The following SLC13A3 variants were observed in gnomAD, a reference collection of about 807,000 sequenced individuals.
SLC13A3 encodes Na(+)/dicarboxylate cotransporter 3.
A neutral mutation model predicts 59.0 loss-of-function variants in SLC13A3; 40 were observed. The observed-to-expected ratio is 0.68, with a 90% CI of 0.53 to 0.88. The LOEUF (loss-of-function observed/expected upper bound fraction) is 0.88. SLC13A3 is among the 40% of genes least tolerant of loss of function. SLC13A3 has a pLI of 0.00. For synonymous variants in SLC13A3, 317 were observed against 330.3 expected (o/e 0.96, Z 0.44); for missense variants, 699 against 783.2 (o/e 0.89, Z 1.28).
Position 46,613,463 on chromosome 20 carries a change from G to T in SLC13A3, c.374C>A (p.Ala125Asp). The T allele has an allele frequency of 1.3e-6, 2 of 1,585,320 alleles. No homozygotes were observed. The highest frequency in any genetic ancestry group is 1.7e-4 in the Middle Eastern group (1 of 5,912). The change falls in exon 2 of 13, where the codon GCC becomes GAC. Residue 125 changes from alanine to aspartate, a missense_variant. Physicochemically the swap from Ala to Asp is moderately radical, Grantham distance 126. Transcript: ENST00000279027. The part of the protein sequence containing the change: ...KILMLVGVQP[A>D]RLILGMMVTT... ...TGGAACCATTACCTGTTCTTACCTGGCCGGCTGGACTCCAACAAGCATCAG... is the reference window on the plus strand; with the variant it reads ...TGGAACCATTACCTGTTCTTACCTGTCCGGCTGGACTCCAACAAGCATCAG...
At chr20:46,569,559 C>T (rs1311002538) in intron 10 of SLC13A3, among the ~76,000 whole-genome samples, 2 of 152,194 alleles carry the variant, frequency 1.3e-5, no homozygotes, top group Non-Finnish European at 2.9e-5. Flanking sequence ...GTGCCTGTCC[C>T]AGAAGGTTAT....
intron 2 of SLC13A3, among the ~76,000 whole-genome samples, 160 bp downstream of exon 2, chr20:46,613,300 G>T (rs200234769): frequency 2.7e-5 from 4 of 146,172 alleles, no homozygotes; most frequent in South Asian, 2.2e-4. Flanking sequence ...AAATAGTAGA[G>T]AAATAAATAA....
chr20:46,678,339 G>A (rs901191351), intron 1 of SLC13A3, among the ~76,000 whole-genome samples: 1 of 152,236 alleles, frequency 6.6e-6, no homozygotes, highest in Non-Finnish European at 1.5e-5. Flanking sequence ...GCGGCCTGGG[G>A]TCTCTATCTG....
intron 1 of SLC13A3, among the ~76,000 whole-genome samples, chr20:46,675,362 T>A (rs1388804248): frequency 6.6e-6 from 1 of 151,012 alleles, no homozygotes; most frequent in Non-Finnish European, 1.5e-5. Flanking sequence ...CCCAAGTAGC[T>A]GGGACTACAG....
upstream of SLC13A3, among the ~76,000 whole-genome samples, chr20:46,673,279 G>A (rs575025117): frequency 4.6e-5 from 7 of 152,114 alleles, no homozygotes; most frequent in Admixed American, 6.5e-5. Context: ...GAAATAACAC[G>A]CTATGTGAGG....
intron 1 of SLC13A3, among the ~76,000 whole-genome samples, chr20:46,619,251 C>T (rs2062591115): frequency 6.6e-6 from 1 of 151,904 alleles, no homozygotes; most frequent in African/African-American, 2.4e-5. Context: ...GTATTTGAGT[C>T]AAAAAAAGGC....
chr20:46,571,783 G>A (rs1040963922), intron 10 of SLC13A3, among the ~76,000 whole-genome samples: 3 of 152,092 alleles, frequency 2.0e-5, no homozygotes, highest in Non-Finnish European at 2.9e-5. Context: ...AGATGTGGGG[G>A]CTTGGGAGGG....
In SLC13A3 at chr20:46,599,985, G is replaced by A. The variant is rs368231057; in HGVS notation, c.594C>T (p.Leu198=). 8.1e-5 allele frequency: 128 copies of A among 1,574,690 alleles called. 1 individual carries two copies. The Middle Eastern group carries it at 8.4e-4, about 10-fold the overall frequency. Residue 198 remains leucine (L), a synonymous_variant, in exon 4 of 13, where the codon CTC becomes CTT. Transcript: ENST00000279027. ...CAGTAACTTACGCTTCTGTGCTGGC[G>A]AGAAACTGCATCTCCGTGGGCACAG... ...LHTVPTEMQF[L]ASTEAKDHPG... is the part of the protein sequence containing the mutation.
chr20:46,645,875 A>AT (rs534092769), intron 1 of SLC13A3, among the ~76,000 whole-genome samples: 49 of 152,314 alleles, frequency 3.2e-4, no homozygotes, highest in Admixed American at 2.0e-3. Context: ...AAGTCATTGC[A>AT]TTTAAGTTTT....
intron 5 of SLC13A3, 54 bp downstream of exon 5, chr20:46,596,103 G>T (rs1192527287): frequency 6.6e-6 from 10 of 1,518,044 alleles, no homozygotes; most frequent in Non-Finnish European, 9.0e-6. Context: ...ATGAAGGAGG[G>T]AAGAGGAGGG....
At chr20:46,655,961 A>ATATGTATATATG (rs1237873999), upstream of SLC13A3, among the ~76,000 whole-genome samples, 3 of 142,826 alleles carry the variant, frequency 2.1e-5, no homozygotes, top group African/African-American at 7.7e-5. Flanking sequence ...CAGTATACAT[A>ATATGTATATATG]TATGTATATA....
intron 1 of SLC13A3, among the ~76,000 whole-genome samples, chr20:46,680,614 A>G (rs1193028057): frequency 6.6e-6 from 1 of 152,176 alleles, no homozygotes; most frequent in Non-Finnish European, 1.5e-5. Flanking sequence ...ACGACTGCAT[A>G]ATGTGAGACT....
intron 1 of SLC13A3, among the ~76,000 whole-genome samples, chr20:46,626,871 T>C (rs1034199384): frequency 1.3e-5 from 2 of 152,286 alleles, no homozygotes; most frequent in African/African-American, 4.8e-5. Flanking sequence ...TGCTGTTCCC[T>C]CTGCCTGGCC....
chr20:46,592,252 TATAC>T (rs2062266948), intron 6 of SLC13A3, 148 bp downstream of exon 6: 5 of 846,540 alleles, frequency 5.9e-6, no homozygotes, highest in Admixed American at 2.8e-5. Flanking sequence ...TACATACATA[TATAC>T]ATACCTACAT....
At chr20:46,638,590 A>G (rs551456311) in intron 1 of SLC13A3, among the ~76,000 whole-genome samples, 89 of 152,264 alleles carry the variant, frequency 5.8e-4, no homozygotes, top group African/African-American at 2.1e-3. Context: ...TCGTGCCTGG[A>G]ATGCCCTGCA....
At chr20:46,630,963 G>A (rs1433254241) in intron 1 of SLC13A3, among the ~76,000 whole-genome samples, 1 of 152,194 alleles carries the variant, frequency 6.6e-6, no homozygotes, top group Admixed American at 6.5e-5. Context: ...CTGACCCAGT[G>A]ATTGATACAT....
intron 3 of SLC13A3, chr20:46,609,048 G>A (rs2062464463): frequency 6.5e-7 from 1 of 1,550,186 alleles, no homozygotes; most frequent in Non-Finnish European, 8.7e-7. Context: ...GAAAGTATTG[G>A]GTTCTATTCC....
chr20:46,651,912 AAAG>A (rs556097443), upstream of SLC13A3, among the ~76,000 whole-genome samples: 251 of 152,344 alleles, frequency 1.6e-3, 1 homozygote, highest in Admixed American at 4.2e-3. Context: ...CAGTCACAAA[AAAG>A]AAGGACATCA....
chr20:46,626,007 C>T (rs981740188), intron 1 of SLC13A3, among the ~76,000 whole-genome samples: 1 of 151,954 alleles, frequency 6.6e-6, no homozygotes, highest in Non-Finnish European at 1.5e-5. Flanking sequence ...TCCTGTGAGT[C>T]CTTTTGTGCG....
Sources: gnomAD v4.1 joint callset for allele counts (sites outside exome capture counted in the v4.1 genomes callset) on GRCh38, gnomAD v4.1.1 for gene constraint, MANE v1.5 for transcripts, NCBI Gene and HGNC (gene_info 2026-07-23, HGNC 2026-07-21) for gene names.